The following NDUFAF5 variants were observed in gnomAD, a reference collection of about 807,000 sequenced individuals.
NDUFAF5 encodes the protein arginine-hydroxylase NDUFAF5, mitochondrial.
NDUFAF5 carries 34 observed loss-of-function variants against 48.9 expected under a neutral mutation model. The ratio of observed to expected loss-of-function variants is 0.70; its 90% CI spans 0.53 to 0.93. The LOEUF (loss-of-function observed/expected upper bound fraction) is 0.93. Among genes scored for constraint, NDUFAF5 ranks in the 40% least tolerant of loss-of-function variants. The pLI, the probability that NDUFAF5 is intolerant of heterozygous loss-of-function variation, is 0.00. For missense variants in NDUFAF5, 428 were observed against 427.5 expected, an observed-to-expected ratio of 1.00 and a Z score of -0.01; for synonymous variants, 153 against 150.6, an observed-to-expected ratio of 1.02 and a Z score of -0.12.
At chr20:13,807,047 AT>A (rs11474866) in intron 7 of NDUFAF5, among the ~76,000 whole-genome samples, 128,878 of 134,604 alleles carry the variant, frequency 0.96, 61,688 homozygotes, top group East Asian at 0.99. Flanking sequence ...ACACCCAGCA[AT>A]TTTTTTTTTT....
rs1396833999 is a variant in NDUFAF5 at position 13,785,076 on chromosome 20, G to A, written c.8G>A (p.Arg3Gln). 2.5e-6 allele frequency: 4 copies of A among 1,611,442 alleles called. No individual in the cohort carries two copies. Among genetic ancestry groups the A allele is most frequent in the Non-Finnish European group, 3.4e-6 (4 of 1,179,632 alleles). Residue 3 changes from arginine (R) to glutamine (Q), a missense_variant, in exon 1 of 11, where the codon CGG becomes CAG. Transcript: ENST00000378106. ...TTGGGGTCGCAGCTGGAGATGCTGC[G>A]GCCGGCAGGGCTCTGGCGCTTATGT... ML[R>Q]PAGLWRLCRR...
intron 8 of NDUFAF5, chr20:13,812,898 A>G (rs963789195): frequency 3.9e-5 from 6 of 152,226 alleles, no homozygotes; most frequent in African/African-American, 1.4e-4. Flanking sequence ...GTCTCCCAGA[A>G]GGTAGCCTTG....
intron 8 of NDUFAF5, among the ~76,000 whole-genome samples, chr20:13,811,092 A>G (rs773447775): frequency 6.6e-6 from 1 of 152,198 alleles, no homozygotes; most frequent in African/African-American, 2.4e-5. Context: ...CAAAAAGACA[A>G]AGGTAAAAGA....
At chr20:13,800,058 G>C (rs954070536) in intron 6 of NDUFAF5, among the ~76,000 whole-genome samples, 6 of 152,174 alleles carry the variant, frequency 3.9e-5, no homozygotes, top group Non-Finnish European at 7.3e-5. Flanking sequence ...GGAGGGAGCA[G>C]GGACGGTGAG....
At chr20:13,790,093 A>G (rs1982028854) in intron 3 of NDUFAF5, among the ~76,000 whole-genome samples, 1 of 152,118 alleles carries the variant, frequency 6.6e-6, no homozygotes, top group South Asian at 2.1e-4. Context: ...GGTGTGATAT[A>G]GTGATGTTTA....
rs573355210 is a variant in NDUFAF5, at chr20:13,801,771, A to G, written c.717+88A>G. On this transcript the variant is annotated intron_variant, in intron 7 of 10. Coordinates refer to ENST00000378106, the MANE Select transcript of NDUFAF5 (RefSeq NM_024120.5). ...TAAAGATAGAAAACTGTATGTGTTC[A>G]TGGTTTCATGGCACTCTTTCTCTCC... 1,976 of 1,089,956 alleles carry G rather than the reference A, an allele frequency of 1.8e-3. 4 individuals are homozygous for G. Among genetic ancestry groups the G allele is most frequent in the East Asian group, 6.2e-3 (260 of 42,198 alleles). 67.5% of individuals were successfully genotyped at this position (1,089,956 alleles called of 1,614,324 possible). A position where few individuals can be genotyped will look rare whatever the true frequency, so the allele number is the denominator to read the frequency against.
chr20:13,810,213 G>A (rs1050392966), intron 8 of NDUFAF5, among the ~76,000 whole-genome samples: 1 of 152,316 alleles, frequency 6.6e-6, no homozygotes, highest in East Asian at 1.9e-4. Context: ...TTTAGCAGGT[G>A]GGTAGTCGAC....
chr20:13,807,249 T>C (rs949237352), intron 7 of NDUFAF5, among the ~76,000 whole-genome samples: 1 of 152,066 alleles, frequency 6.6e-6, no homozygotes. Flanking sequence ...GGTTTCACCA[T>C]GTTAGCCAGA....
intron 2 of NDUFAF5, among the ~76,000 whole-genome samples, chr20:13,787,657 A>G (rs529902574): frequency 6.6e-6 from 1 of 152,322 alleles, no homozygotes; most frequent in African/African-American, 2.4e-5. Context: ...ACTTAACAAC[A>G]TGCGAATTTT....
At chr20:13,794,138 A>G (rs961604406) in intron 4 of NDUFAF5, among the ~76,000 whole-genome samples, 1 of 152,324 alleles carries the variant, frequency 6.6e-6, no homozygotes, top group East Asian at 1.9e-4. Context: ...TTAGTTTATC[A>G]TCAAATATAT....
In NDUFAF5 at chr20:13,785,161, T is replaced by C. The variant is rs1490110004; in HGVS notation, c.93T>C (p.Ser31=). The C allele has an allele frequency of 1.9e-6, 3 of 1,613,878 alleles. No homozygotes were observed. The Admixed American group carries it at 5.0e-5, about 27-fold the overall frequency. The change falls in exon 1 of 11, where the codon TCT becomes TCC. Residue 31 remains serine, a synonymous_variant. Transcript: ENST00000378106. The stretch of plus-strand genomic sequence containing the variant: ...ATCTTGGCCGTAGGGAAGTCACCTC[T>C]GGTGTCTCTCCCCGCGGTAGCACCT... The part of the protein sequence containing the change: ...AENLGRREVT[S]GVSPRGSTSP...
intron 2 of NDUFAF5, among the ~76,000 whole-genome samples, chr20:13,788,142 T>A (rs1981527711): frequency 6.6e-6 from 1 of 152,248 alleles, no homozygotes; most frequent in African/African-American, 2.4e-5. Flanking sequence ...CTTAAGTTCT[T>A]ATTTTTTAGT....
intron 7 of NDUFAF5, among the ~76,000 whole-genome samples, chr20:13,806,577 A>G (rs374129122): frequency 1.9e-4 from 29 of 152,334 alleles, no homozygotes; most frequent in South Asian, 8.3e-4. Flanking sequence ...AAGGCCTTCA[A>G]CAAAGCTGTT....
chr20:13,807,943 C>A (rs567723959), intron 7 of NDUFAF5, among the ~76,000 whole-genome samples: 1 of 90,358 alleles, frequency 1.1e-5, no homozygotes, highest in African/African-American at 5.6e-5. Flanking sequence ...AGCAAGAATC[C>A]GTCTTAAAAA....
In NDUFAF5 at chr20:13,816,904, C is replaced by T. The variant is rs756552629; in HGVS notation, c.892C>T (p.Pro298Ser). ...GTACAGAAATGAAGATGGTTCAGTACCTGCTACATACCAGATCTATTACAT... is the reference window on the plus strand; with the variant it reads ...GTACAGAAATGAAGATGGTTCAGTATCTGCTACATACCAGATCTATTACAT... ...EMYRNEDGSV[P>S]ATYQIYYMIG... Residue 298 changes from proline (P) to serine (S), a missense_variant, in exon 10 of 11, where the codon CCT becomes TCT. By Grantham distance (74) the Pro-to-Ser change is moderately conservative. Coordinates refer to ENST00000378106, the MANE Select transcript of NDUFAF5 (RefSeq NM_024120.5). 3 of 1,609,886 alleles carry T rather than the reference C, an allele frequency of 1.9e-6. No homozygotes were observed. Among genetic ancestry groups the T allele is most frequent in the Non-Finnish European group, 2.6e-6 (3 of 1,176,400 alleles).
chr20:13,802,613 T>TGA (rs1349419777), intron 7 of NDUFAF5, among the ~76,000 whole-genome samples: 3 of 140,152 alleles, frequency 2.1e-5, no homozygotes, highest in Non-Finnish European at 4.5e-5. Flanking sequence ...GAGGTTGCAG[T>TGA]GAGCTGAGAT....
chr20:13,792,154 A>G (rs1014259892), intron 3 of NDUFAF5, among the ~76,000 whole-genome samples: 1 of 152,228 alleles, frequency 6.6e-6, no homozygotes, highest in African/African-American at 2.4e-5. Flanking sequence ...AGGGATAGAT[A>G]ATCCTGTCCA....
intron 2 of NDUFAF5, 132 bp downstream of exon 2, chr20:13,787,484 C>T (rs991173173): frequency 7.0e-6 from 6 of 855,612 alleles, no homozygotes; most frequent in African/African-American, 6.6e-5. Context: ...TTAAATCACT[C>T]TGTAAGTCTC....
Position 13,794,880 on chromosome 20 carries a change from G to C in NDUFAF5, c.418G>C (p.Ala140Pro), listed in dbSNP as rs373962879. The C allele has an allele frequency of 3.3e-5, 54 of 1,613,694 alleles. No homozygotes were observed. The highest frequency in any genetic ancestry group is 6.7e-5 in the African/African-American group (5 of 74,908). ...AGAAATACCTACTGTCAGCGTTTTA[G>C]CTGATGAAGAATTCCTTCCCTTCAA... Reference protein sequence around the residue: ...ETEIPTVSVLADEEFLPFKEN... With the variant: ...ETEIPTVSVLPDEEFLPFKEN... The change falls in exon 5 of 11, where the codon GCT becomes CCT. Residue 140 changes from alanine (A) to proline (P), a missense_variant. Transcript: ENST00000378106.
Sources: gnomAD v4.1 joint callset for allele counts (sites outside exome capture counted in the v4.1 genomes callset) on GRCh38, gnomAD v4.1.1 for gene constraint, MANE v1.5 for transcripts, NCBI Gene and HGNC (gene_info 2026-07-23, HGNC 2026-07-21) for gene names.